The following NFIB variants were observed in gnomAD, a reference collection of about 807,000 sequenced individuals.
NFIB encodes the protein nuclear factor I B.
A neutral mutation model predicts 61.5 loss-of-function variants in NFIB; 11 were observed. The observed-to-expected ratio is 0.18, with a 90% CI of 0.11 to 0.30. The LOEUF (loss-of-function observed/expected upper bound fraction) is 0.30, where lower values mean the gene tolerates loss of function less well. Ranked by LOEUF, NFIB falls within the 10% of genes least tolerant of loss-of-function variation. The pLI, the probability that NFIB is intolerant of heterozygous loss-of-function variation, is 1.00. For missense variants in NFIB, 471 were observed against 608.9 expected, an observed-to-expected ratio of 0.77 and a Z score of 2.38; for synonymous variants, 260 against 216.5, an observed-to-expected ratio of 1.20 and a Z score of -1.76.
At chr9:14,507,421 G>C in the NFIB span, among the ~76,000 whole-genome samples, 1 of 152,124 alleles carries the variant, frequency 6.6e-6, no homozygotes, top group Non-Finnish European at 1.5e-5. Context: ...CATTTCAGTA[G>C]GTTTATTTTG....
intron 2 of NFIB, among the ~76,000 whole-genome samples, chr9:14,278,474 T>C (rs1419908040): frequency 1.3e-5 from 2 of 152,166 alleles, no homozygotes; most frequent in African/African-American, 2.4e-5. Context: ...CTGAAACATG[T>C]GGAAATCAAA....
intron 1 of NFIB, among the ~76,000 whole-genome samples, chr9:14,329,870 T>A (rs2060800296): frequency 6.6e-6 from 1 of 150,990 alleles, no homozygotes; most frequent in Non-Finnish European, 1.5e-5. Context: ...ACGCCTGTAA[T>A]CCCAGCACTT....
chr9:14,084,235 A>C lies in NFIB; in HGVS notation c.*4074T>G, dbSNP rs2032479825. The C allele has an allele frequency of 5.0e-6, 1 of 200,404 alleles. No homozygotes were observed. The highest frequency in any genetic ancestry group is 6.0e-5 in the Admixed American group (1 of 16,604). 12.4% of individuals were successfully genotyped at this position (200,404 alleles called of 1,614,324 possible). A position where few individuals can be genotyped will look rare whatever the true frequency, so the allele number is the denominator to read the frequency against. On this transcript the variant is annotated 3_prime_UTR_variant, in exon 11 of 11. Coordinates refer to ENST00000380953, the MANE Select transcript of NFIB (RefSeq NM_001190737.2). Reference sequence around the variant, plus strand: ...ATTCTTGTTTACTTTAAAAATGGAAACAACATATAGTTCCATTATAATTGT... The same window carrying C: ...ATTCTTGTTTACTTTAAAAATGGAACCAACATATAGTTCCATTATAATTGT...
intron 2 of NFIB, among the ~76,000 whole-genome samples, chr9:14,216,347 C>T (rs1489576135): frequency 1.3e-5 from 2 of 152,132 alleles, no homozygotes; most frequent in Non-Finnish European, 2.9e-5. Context: ...TTTTTCAAGT[C>T]ACTTTACTGG....
Position 14,118,768 on chromosome 9 carries a change from C to CTT in NFIB, c.1245+1670_1245+1671dup, listed in dbSNP as rs35334290. ...TTTTTTGTTGCTAGTTTTTCTTTTT[C>CTT]TTTTTTTTTTTTTTTTGAGATGAGA... is the stretch of plus-strand genomic sequence containing the variant. On this transcript the variant is annotated intron_variant, in intron 8 of 10. Coordinates refer to ENST00000380953, the MANE Select transcript of NFIB (RefSeq NM_001190737.2). 3.1e-4 allele frequency among the ~76,000 whole-genome samples: 40 copies of CTT among 129,006 alleles called. No individual in the cohort carries two copies. The South Asian group carries it at 4.6e-3, about 15-fold the overall frequency. The allele number at this position is 129,006 out of a possible 152,430, so 84.6% of individuals were successfully genotyped here. A position where few individuals can be genotyped will look rare whatever the true frequency, so the allele number is the denominator to read the frequency against.
At chr9:14,329,035 G>A (rs2060788272) in intron 1 of NFIB, among the ~76,000 whole-genome samples, 1 of 152,080 alleles carries the variant, frequency 6.6e-6, no homozygotes, top group African/African-American at 2.4e-5. Flanking sequence ...CCTTTAGATG[G>A]GGCTTGGTCT....
chr9:14,143,668 G>C (rs1423354979), intron 6 of NFIB, among the ~76,000 whole-genome samples: 1 of 152,078 alleles, frequency 6.6e-6, no homozygotes, highest in Non-Finnish European at 1.5e-5. Flanking sequence ...CTTTGTAGGA[G>C]AAAATATTAT....
At chr9:14,347,814 A>C (rs775359241) in intron 1 of NFIB, among the ~76,000 whole-genome samples, 12 of 152,146 alleles carry the variant, frequency 7.9e-5, no homozygotes, top group Non-Finnish European at 1.2e-4. Context: ...GTAGAGGGCA[A>C]GTCTTATCTG....
chr9:14,208,078 C>T (rs533228977), intron 2 of NFIB, among the ~76,000 whole-genome samples: 10 of 152,172 alleles, frequency 6.6e-5, no homozygotes, highest in Non-Finnish European at 1.2e-4. Context: ...AGGTCACTTC[C>T]CACTCCCTAA....
the NFIB span, among the ~76,000 whole-genome samples, chr9:14,497,799 C>T: frequency 1.3e-5 from 2 of 152,170 alleles, no homozygotes; most frequent in African/African-American, 4.8e-5. Context: ...ATGAACAATG[C>T]TTGCAGGAAG....
At chr9:14,176,983 C>T (rs898653052) in intron 3 of NFIB, among the ~76,000 whole-genome samples, 60 of 152,314 alleles carry the variant, frequency 3.9e-4, no homozygotes, top group African/African-American at 1.2e-3. Flanking sequence ...TAGACGGTAG[C>T]AATTTCCATG....
chr9:14,241,948 T>C (rs1352674424), intron 2 of NFIB, among the ~76,000 whole-genome samples: 5 of 152,198 alleles, frequency 3.3e-5, no homozygotes, highest in Non-Finnish European at 7.3e-5. Context: ...GAAATGGTCA[T>C]TTATAAATTA....
At chr9:14,467,661 A>C in the NFIB span, among the ~76,000 whole-genome samples, 9 of 152,204 alleles carry the variant, frequency 5.9e-5, no homozygotes, top group Non-Finnish European at 1.0e-4. Context: ...TCATTTAATA[A>C]ATATTTATTG....
chr9:14,379,301 A>G (rs1108674), intron 1 of NFIB, among the ~76,000 whole-genome samples: 59,906 of 152,056 alleles, frequency 0.39, 12,162 homozygotes, highest in Middle Eastern at 0.47. Flanking sequence ...GTGGGAGTGG[A>G]AAGACAGAGC....
chr9:14,124,415 T>C (rs2039371204), intron 7 of NFIB, among the ~76,000 whole-genome samples: 1 of 152,182 alleles, frequency 6.6e-6, no homozygotes, highest in African/African-American at 2.4e-5. Context: ...AATTTCGTAA[T>C]TTTTTAATGA....
chr9:14,462,305 CAG>C, the NFIB span, among the ~76,000 whole-genome samples: 3 of 150,110 alleles, frequency 2.0e-5, no homozygotes, highest in East Asian at 5.8e-4. Context: ...TTTTTTCAGA[CAG>C]AGTCTTGCTC....
chr9:14,164,120 G>T (rs780107612), intron 3 of NFIB, among the ~76,000 whole-genome samples: 1 of 151,518 alleles, frequency 6.6e-6, no homozygotes, highest in Non-Finnish European at 1.5e-5. Context: ...TAGAAAAAAA[G>T]AAATATTTAA....
At position 14,086,445 on chromosome 9, in the gene NFIB, T is replaced by G; in HGVS notation, c.*1864A>C. On this transcript the variant is annotated 3_prime_UTR_variant, in exon 11 of 11. Coordinates refer to ENST00000380953, the MANE Select transcript of NFIB (RefSeq NM_001190737.2). ...AATACAGCTAAAAGCACTACCTACA[T>G]AGGCAAAACTTGGTATTGCATAATT... The G allele has an allele frequency of 4.7e-6, 1 of 214,532 alleles. No homozygotes were observed. Among genetic ancestry groups the G allele is most frequent in the Non-Finnish European group, 9.4e-6 (1 of 106,138 alleles). 13.3% of individuals were successfully genotyped at this position (214,532 alleles called of 1,614,324 possible).
chr9:14,478,800 C>T, the NFIB span, among the ~76,000 whole-genome samples: 1 of 152,160 alleles, frequency 6.6e-6, no homozygotes, highest in Non-Finnish European at 1.5e-5. Context: ...CATATTTTCA[C>T]ATTGCTATGA....
Sources: gnomAD v4.1 joint callset for allele counts (sites outside exome capture counted in the v4.1 genomes callset) on GRCh38, gnomAD v4.1.1 for gene constraint, MANE v1.5 for transcripts, NCBI Gene and HGNC (gene_info 2026-07-23, HGNC 2026-07-21) for gene names.